TRPC5: variants seen among roughly 807,000 people sequenced by gnomAD.
TRPC5 encodes the protein transient receptor potential cation channel subfamily C member 5, also known as short transient receptor potential channel 5.
TRPC5 carries 9 observed loss-of-function variants against 56.5 expected under a neutral mutation model. The observed-to-expected ratio is 0.16, with a 90% confidence interval of 0.10 to 0.28. The LOEUF is 0.28. Among genes scored for constraint, TRPC5 ranks in the 10% least tolerant of loss-of-function variants. The pLI, the probability that TRPC5 is intolerant of heterozygous loss-of-function variation, is 1.00. For missense variants in TRPC5, 469 were observed against 748.9 expected, an observed-to-expected ratio of 0.63 and a Z score of 4.36; for synonymous variants, 282 against 278.5, an observed-to-expected ratio of 1.01 and a Z score of -0.13.
chrX:111,886,110 T>C (rs1924479871), intron 3 of TRPC5, among the ~76,000 whole-genome samples: 1 of 111,346 alleles, frequency 9.0e-6, no homozygotes, highest in African/African-American at 3.3e-5. Flanking sequence ...TGACACCCTG[T>C]CTCTACTAAA....
chrX:111,782,629 A>T (rs1278565502), intron 7 of TRPC5, among the ~76,000 whole-genome samples: 2 of 111,608 alleles, frequency 1.8e-5, no homozygotes, highest in East Asian at 5.6e-4. Flanking sequence ...CTAGACAAGT[A>T]CACACTAAAC....
chrX:111,806,403 G>A (rs961702350), intron 7 of TRPC5, among the ~76,000 whole-genome samples: 3 of 111,915 alleles, frequency 2.7e-5, no homozygotes. Context: ...TCACTTACAT[G>A]GTTGTTGGCA....
chrX:111,898,742 C>T (rs1925192089), intron 3 of TRPC5, among the ~76,000 whole-genome samples: 1 of 110,078 alleles, frequency 9.1e-6, no homozygotes, highest in Non-Finnish European at 1.9e-5. Context: ...TAGATACCAT[C>T]ATGCAAAAAT....
chrX:111,924,347 CT>C (rs1238827056), intron 2 of TRPC5, among the ~76,000 whole-genome samples: 1 of 110,741 alleles, frequency 9.0e-6, no homozygotes, highest in East Asian at 2.9e-4. Context: ...TCAGTTGGGT[CT>C]AAGAGTGCAA....
intron 1 of TRPC5, among the ~76,000 whole-genome samples, chrX:112,003,098 G>T (rs928946012): frequency 2.7e-5 from 3 of 111,565 alleles, no homozygotes; most frequent in Non-Finnish European, 5.6e-5. Flanking sequence ...AGTACCTACT[G>T]CTAGCCAAGC....
chrX:111,879,018 G>A (rs1268092745), intron 3 of TRPC5, among the ~76,000 whole-genome samples: 4 of 112,230 alleles, frequency 3.6e-5, no homozygotes, highest in Non-Finnish European at 7.5e-5. Flanking sequence ...GAATATCAAA[G>A]TTAAGCTAGA....
chrX:112,065,982 T>C (rs1930574003), intron 1 of TRPC5, among the ~76,000 whole-genome samples: 1 of 109,096 alleles, frequency 9.2e-6, no homozygotes, highest in Non-Finnish European at 1.9e-5. Context: ...CTGGCTACCA[T>C]GTGCATATCC....
At chrX:111,967,622 G>T (rs1181003574) in intron 1 of TRPC5, among the ~76,000 whole-genome samples, 1 of 111,700 alleles carries the variant, frequency 9.0e-6, no homozygotes, top group African/African-American at 3.3e-5. Flanking sequence ...TACCAAAACA[G>T]AGATACAGAT....
intron 2 of TRPC5, among the ~76,000 whole-genome samples, chrX:111,914,979 A>G (rs934691995): frequency 9.0e-6 from 1 of 111,084 alleles, no homozygotes; most frequent in African/African-American, 3.3e-5. Flanking sequence ...AAGAGAGGCT[A>G]ACCTGTAGCA....
chrX:111,849,600 G>C (rs1398775420), intron 5 of TRPC5, among the ~76,000 whole-genome samples: 1 of 112,239 alleles, frequency 8.9e-6, no homozygotes, highest in East Asian at 2.8e-4. Flanking sequence ...TTCAATGGAG[G>C]CATCTCATAG....
intron 2 of TRPC5, among the ~76,000 whole-genome samples, chrX:111,929,520 C>T (rs1926350535): frequency 8.9e-6 from 1 of 112,297 alleles, no homozygotes; most frequent in Admixed American, 9.5e-5. Flanking sequence ...CACAGCTAAA[C>T]AGTTATCCCT....
chrX:111,973,778 C>T (rs1313974513), intron 1 of TRPC5, among the ~76,000 whole-genome samples: 1 of 111,978 alleles, frequency 8.9e-6, no homozygotes, highest in Non-Finnish European at 1.9e-5. Context: ...ATAATGAAAA[C>T]AAAGTAATTT....
intron 4 of TRPC5, 114 bp from the exon 5 acceptor site, chrX:111,852,551 A>G (rs1741874911): frequency 1.2e-6 from 1 of 825,803 alleles, no homozygotes; most frequent in Non-Finnish European, 1.7e-6. Flanking sequence ...TTGGGGTCTC[A>G]GTGGAGTGAA....
At chrX:112,065,249 T>C (rs1350304918) in intron 1 of TRPC5, among the ~76,000 whole-genome samples, 1 of 111,436 alleles carries the variant, frequency 9.0e-6, no homozygotes, top group Non-Finnish European at 1.9e-5. Flanking sequence ...ATATAATCCC[T>C]CCACACATAC....
intron 1 of TRPC5, among the ~76,000 whole-genome samples, chrX:112,058,243 C>T (rs1930384716): frequency 8.9e-6 from 1 of 112,185 alleles, no homozygotes; most frequent in Non-Finnish European, 1.9e-5. Context: ...TATAACAGGC[C>T]AGGATGAGAA....
At chrX:111,964,908 T>C (rs1460609927) in intron 1 of TRPC5, among the ~76,000 whole-genome samples, 2 of 111,859 alleles carry the variant, frequency 1.8e-5, no homozygotes, top group African/African-American at 6.5e-5. Flanking sequence ...AGGAAGAAAC[T>C]GCATCAACTA....
chrX:111,862,563 T>C (rs1247329916), intron 3 of TRPC5, among the ~76,000 whole-genome samples: 3 of 112,285 alleles, frequency 2.7e-5, no homozygotes, highest in Non-Finnish European at 1.9e-5. Flanking sequence ...TGTTTTCTTC[T>C]CAGAGTTTGA....
In TRPC5 at chrX:111,773,707, A is replaced by G. The variant is rs1374273514; in HGVS notation, c.*2606T>C. ...CCTTCTCTGGGCCTCTTTATTTTCT[A>G]TTTGTAAAATATGAGGTTGGAATAG... On this transcript the variant is annotated 3_prime_UTR_variant, in exon 11 of 11. Transcript: ENST00000262839. Among the ~76,000 whole-genome samples the G allele has an allele frequency of 3.6e-5, 4 of 111,077 alleles. No homozygotes were observed. Among genetic ancestry groups the G allele is most frequent in the Admixed American group, 9.6e-5 (1 of 10,390 alleles).
chrX:111,872,210 C>A (rs1282278028), intron 3 of TRPC5, among the ~76,000 whole-genome samples: 2 of 112,215 alleles, frequency 1.8e-5, no homozygotes, highest in Non-Finnish European at 3.8e-5. Context: ...AACTAGAATA[C>A]CTAGTTCATG....
Sources: allele counts gnomAD v4.1 joint callset (sites outside exome capture counted in the v4.1 genomes callset), GRCh38; gene constraint gnomAD v4.1.1; transcripts MANE v1.5; gene names NCBI Gene and HGNC (gene_info 2026-07-23, HGNC 2026-07-21).